Variants in SOX6 observed in about 807,000 individuals in gnomAD.
SOX6 encodes SRY-box transcription factor 6.
A neutral mutation model predicts 97.8 loss-of-function variants in SOX6; 11 were observed. The ratio of observed to expected loss-of-function variants is 0.11; its 90% CI spans 0.07 to 0.19. The LOEUF is 0.19. Ranked by LOEUF, SOX6 falls within the 10% of genes least tolerant of loss-of-function variation. SOX6 has a pLI of 1.00. For synonymous variants in SOX6, 360 were observed against 371.4 expected (o/e 0.97, Z 0.35); for missense variants, 810 against 1,039.5 (o/e 0.78, Z 3.04).
intron 1 of SOX6, among the ~76,000 whole-genome samples, chr11:16,458,744 A>G (rs1859861199): frequency 6.6e-6 from 1 of 152,060 alleles, no homozygotes; most frequent in African/African-American, 2.4e-5. Context: ...AAAACTGGGC[A>G]AAATACATGA....
chr11:16,383,578 T>C (rs1425612717), intron 1 of SOX6, among the ~76,000 whole-genome samples: 3 of 151,928 alleles, frequency 2.0e-5, no homozygotes, highest in Admixed American at 6.6e-5. Context: ...GCCCAATAGA[T>C]ACATGTAATG....
intron 4 of SOX6, among the ~76,000 whole-genome samples, chr11:16,187,883 C>G (rs1851525856): frequency 6.6e-6 from 1 of 152,106 alleles, no homozygotes; most frequent in Non-Finnish European, 1.5e-5. Context: ...CTGAACCACA[C>G]AGATTTCATT....
intron 4 of SOX6, among the ~76,000 whole-genome samples, chr11:16,227,724 C>T (rs1431277922): frequency 1.3e-5 from 2 of 152,134 alleles, no homozygotes; most frequent in African/African-American, 4.8e-5. Context: ...ATTACCTTAA[C>T]CCCCTAAAAC....
rs570865812 is a variant in SOX6, at chr11:16,621,524, T to G, written n.430-9264A>C. 1.6e-4 allele frequency among the ~76,000 whole-genome samples: 25 copies of G among 152,276 alleles called. No individual in the cohort carries two copies. The South Asian group carries it at 5.2e-3, about 32-fold the overall frequency. On this transcript the variant is annotated intron_variant and non_coding_transcript_variant, in intron 3 of 5. Coordinates refer to the SOX6 transcript ENST00000524520. The stretch of plus-strand genomic sequence containing the variant: ...TAATATCTCATTTTTCCTGAGAGTA[T>G]AGTGTTGTACATAAAGATGAGCTAG...
At chr11:16,626,366 A>G (rs1848624297) in intron 3 of SOX6, among the ~76,000 whole-genome samples, 2 of 152,224 alleles carry the variant, frequency 1.3e-5, no homozygotes, top group Admixed American at 1.3e-4. Context: ...AATTGACAAC[A>G]TAAATGTGGA....
intron 4 of SOX6, among the ~76,000 whole-genome samples, chr11:16,531,201 C>A (rs141745518): frequency 3.0e-4 from 45 of 150,718 alleles, no homozygotes; most frequent in Non-Finnish European, 4.6e-4. Flanking sequence ...AATATATATA[C>A]ATATATGAGG....
intron 3 of SOX6, among the ~76,000 whole-genome samples, chr11:16,629,720 G>C (rs1848676783): frequency 1.3e-5 from 2 of 152,018 alleles, no homozygotes; most frequent in African/African-American, 4.8e-5. Flanking sequence ...AATCCATCCA[G>C]CTGAGGCTTT....
At chr11:16,316,989 C>A (rs1355006152) in intron 3 of SOX6, 5 of 151,830 alleles carry the variant, frequency 3.3e-5, no homozygotes, top group Non-Finnish European at 7.4e-5. Context: ...ATTTTATAAT[C>A]TATAGGTAAA....
intron 3 of SOX6, among the ~76,000 whole-genome samples, chr11:16,633,095 G>A (rs1848735604): frequency 6.6e-6 from 1 of 152,184 alleles, no homozygotes; most frequent in Admixed American, 6.5e-5. Context: ...GGGTCAAGCT[G>A]CTGAACCAGG....
At chr11:16,050,666 T>TA (rs1348813321) in intron 10 of SOX6, among the ~76,000 whole-genome samples, 1 of 152,250 alleles carries the variant, frequency 6.6e-6, no homozygotes, top group Non-Finnish European at 1.5e-5. Flanking sequence ...TATTTTAAGA[T>TA]ACATGTCCTT....
In SOX6 at chr11:16,519,942, T is replaced by A. The variant is rs145021840; in HGVS notation, n.610-43554A>T. On this transcript the variant is annotated intron_variant and non_coding_transcript_variant, in intron 4 of 5. Coordinates refer to the SOX6 transcript ENST00000524520. ...TGGTTTTTAATTTGCATTTCTCTGA[T>A]GAATTAGTGTTGTTGAGCATTTTTT... is the stretch of plus-strand genomic sequence containing the variant. 1.8e-3 allele frequency among the ~76,000 whole-genome samples: 270 copies of A among 152,328 alleles called. 1 individual carries two copies. Among genetic ancestry groups the A allele is most frequent in the African/African-American group, 6.3e-3 (262 of 41,580 alleles).
chr11:16,380,114 TTTTC>T (rs533265686), intron 1 of SOX6, among the ~76,000 whole-genome samples: 40 of 152,000 alleles, frequency 2.6e-4, no homozygotes, highest in Non-Finnish European at 5.2e-4. Context: ...GAAAAGGTTT[TTTTC>T]TTTATTTTTA....
intron 3 of SOX6, among the ~76,000 whole-genome samples, chr11:16,288,987 C>T (rs536041955): frequency 2.0e-5 from 3 of 151,734 alleles, no homozygotes; most frequent in African/African-American, 7.2e-5. Context: ...GATAATTATT[C>T]AAAGGTCAGA....
At chr11:15,988,890 G>A (rs892599111) in intron 14 of SOX6, 107 bp downstream of exon 14, 29 of 1,165,576 alleles carry the variant, frequency 2.5e-5, no homozygotes, top group Middle Eastern at 2.6e-4. Context: ...ACTTGCGCCC[G>A]CCACAATCTC....
chr11:16,149,552 C>A (rs1850405864), intron 6 of SOX6, among the ~76,000 whole-genome samples: 1 of 152,092 alleles, frequency 6.6e-6, no homozygotes, highest in Admixed American at 6.6e-5. Context: ...CAGTTCATTG[C>A]ACTTTTATTC....
chr11:16,712,731 C>T (rs931338582), intron 3 of SOX6, among the ~76,000 whole-genome samples: 1 of 152,178 alleles, frequency 6.6e-6, no homozygotes, highest in South Asian at 2.1e-4. Context: ...GTCACAGTCC[C>T]TTGTTTGTTC....
chr11:16,712,363 C>T (rs1209228897), intron 3 of SOX6, among the ~76,000 whole-genome samples: 3 of 152,166 alleles, frequency 2.0e-5, no homozygotes, highest in Admixed American at 2.0e-4. Context: ...TACATTCCCA[C>T]CAGCAGTGTA....
chr11:16,651,302 C>T (rs1342403309), intron 3 of SOX6, among the ~76,000 whole-genome samples: 1 of 151,900 alleles, frequency 6.6e-6, no homozygotes, highest in Non-Finnish European at 1.5e-5. Flanking sequence ...AATTCCAAAA[C>T]CAGGAAAAAA....
chr11:16,297,631 CAG>C (rs1463400445), intron 3 of SOX6, among the ~76,000 whole-genome samples: 1 of 152,158 alleles, frequency 6.6e-6, no homozygotes, highest in Admixed American at 6.5e-5. Context: ...CCCATTCAAA[CAG>C]AAATGACAGA....
Sources: allele counts gnomAD v4.1 joint callset (sites outside exome capture counted in the v4.1 genomes callset), GRCh38; gene constraint gnomAD v4.1.1; transcripts MANE v1.5; gene names NCBI Gene and HGNC (gene_info 2026-07-23, HGNC 2026-07-21).